Variants in ARL2 observed in about 807,000 individuals in gnomAD.
The protein encoded by ARL2 is ARF like GTPase 2.
ARL2 carries 11 observed loss-of-function variants against 22.0 expected under a neutral mutation model. The ratio of observed to expected loss-of-function variants is 0.50; its 90% CI spans 0.31 to 0.83. ARL2 has a LOEUF of 0.83. Ranked by LOEUF, ARL2 falls within the 40% of genes least tolerant of loss-of-function variation. The pLI, the probability that ARL2 is intolerant of heterozygous loss-of-function variation, is 0.04. For missense variants in ARL2, 216 were observed against 243.2 expected (o/e 0.89, Z 0.74); for synonymous variants, 111 against 100.8 (o/e 1.10, Z -0.61).
At chr11:65,021,533 C>T in intron 4 of ARL2, 188 bp from the exon 5 acceptor site, 1 of 640,776 alleles carries the variant, frequency 1.6e-6, no homozygotes, top group Non-Finnish European at 2.6e-6. Flanking sequence ...TGGAACTGGA[C>T]AGAGAGCCCA....
chr11:65,019,038 C>G lies in ARL2; in HGVS notation c.339+305C>G, dbSNP rs1006670588. ...ATAACCCAAGGCCAGTATGAAGCTTCGAGAGGCCATGGAGCCTGGCTCAAG... is the reference window on the plus strand; with the variant it reads ...ATAACCCAAGGCCAGTATGAAGCTTGGAGAGGCCATGGAGCCTGGCTCAAG... On this transcript the variant is annotated intron_variant, in intron 3 of 4. Transcript: ENST00000246747. 103 of 1,044,724 alleles carry G rather than the reference C, an allele frequency of 9.9e-5. No individual in the cohort carries two copies. In the African/African-American group the frequency reaches 1.5e-3, roughly 16 times the overall value. 64.7% of individuals were successfully genotyped at this position (1,044,724 alleles called of 1,614,324 possible). A position where few individuals can be genotyped will look rare whatever the true frequency, so the allele number is the denominator to read the frequency against.
chr11:65,020,388 C>T lies in ARL2; in HGVS notation c.340-31C>T, dbSNP rs756281517. 9.5e-6 allele frequency: 15 copies of T among 1,571,884 alleles called. No homozygotes were observed. In the South Asian group the frequency reaches 1.7e-4, roughly 18 times the overall value. ...AGGGGTCAGGCTGTCCTCTGAGTCC[C>T]CACCCCACCCCTCTATCTTTTCTCC... On this transcript the variant is annotated intron_variant, in intron 3 of 4. Transcript: ENST00000246747.
At position 65,018,790 on chromosome 11, in the gene ARL2, G is replaced by C. The variant is rs1379833473; in HGVS notation, c.339+57G>C. The C allele has an allele frequency of 2.5e-6, 4 of 1,604,464 alleles. No homozygotes were observed. In the African/African-American group the frequency reaches 4.0e-5, roughly 16 times the overall value. On this transcript the variant is annotated intron_variant, in intron 3 of 4. Coordinates refer to ENST00000246747, the MANE Select transcript of ARL2 (RefSeq NM_001667.4). This position sits in a 1 kb window ranked among gnomAD's most constrained non-coding sequence, Gnocchi z 4.2. ...TGGACGTGTGGCTGCCTTCTCAGCA[G>C]ATGCCCAGAGGGGCCCGTGGCCCCA...
rs1475260907 is a variant in ARL2, at chr11:65,021,730, C to G, written c.430C>G (p.Leu144Val). 4 of 1,604,178 alleles carry G rather than the reference C, an allele frequency of 2.5e-6. No individual in the cohort carries two copies. In the African/African-American group the frequency reaches 4.0e-5, roughly 16 times the overall value. Residue 144 changes from leucine to valine, a missense_variant, in exon 5 of 5, where the codon CTG becomes GTG. Transcript: ENST00000246747. ...ACCTTTGTCCTCCCAGGTCCTGGAGCTGGACTCCATCCGCAGCCACCACTG... is the reference window on the plus strand; with the variant it reads ...ACCTTTGTCCTCCCAGGTCCTGGAGGTGGACTCCATCCGCAGCCACCACTG... ...SSNAIREVLE[L>V]DSIRSHHWCI...
At chr11:65,020,558 T>C (rs1946315944) in intron 4 of ARL2, 59 bp downstream of exon 4, 8 of 1,468,296 alleles carry the variant, frequency 5.4e-6, no homozygotes, top group Non-Finnish European at 7.4e-6. Flanking sequence ...TTATTTATTT[T>C]AAAAGCATTT....
At chr11:65,020,686 T>G (rs997522427) in intron 4 of ARL2, 187 bp downstream of exon 4, 2 of 582,674 alleles carry the variant, frequency 3.4e-6, no homozygotes, top group Non-Finnish European at 6.0e-6. Context: ...CTGACCAACA[T>G]GATGAAACCC....
At chr11:65,015,207 G>T (rs1224305234) in intron 1 of ARL2, among the ~76,000 whole-genome samples, 3 of 152,072 alleles carry the variant, frequency 2.0e-5, no homozygotes, top group Non-Finnish European at 2.9e-5. Context: ...TCCGCCCCCC[G>T]AGTTCAAGCA....
chr11:65,020,050 G>A (rs1946308994), intron 3 of ARL2, among the ~76,000 whole-genome samples: 2 of 152,226 alleles, frequency 1.3e-5, no homozygotes, highest in Admixed American at 1.3e-4. Flanking sequence ...ACCCAGAAGA[G>A]GGAGAGTTCA....
At position 65,014,229 on chromosome 11, in the gene ARL2, A is replaced by C. The variant is rs1200329221; in HGVS notation, c.22A>C (p.Lys8Gln). Residue 8 changes from lysine to glutamine, a missense_variant, in exon 1 of 5, where the codon AAG (lysine) becomes CAG (glutamine). Transcript: ENST00000246747. MGLLTIL[K>Q]KMKQKERELR... is the part of the protein sequence containing the mutation. ...GACCATGGGGCTCCTGACCATTCTG[A>C]AGAAGATGAAGCAGAAAGAGCGGGA... The C allele has an allele frequency of 1.9e-6, 3 of 1,574,112 alleles. No homozygotes were observed. Among genetic ancestry groups the C allele is most frequent in the Admixed American group, 3.7e-5 (2 of 54,664 alleles).
At chr11:65,019,384 T>C (rs1804338168) in intron 3 of ARL2, 1 of 154,048 alleles carries the variant, frequency 6.5e-6, no homozygotes, top group African/African-American at 2.4e-5. Flanking sequence ...CTACTAAAAA[T>C]ACAAAAAATT....
chr11:65,020,403 A>G lies in ARL2; in HGVS notation c.340-16A>G. On this transcript the variant is annotated splice_polypyrimidine_tract_variant and intron_variant, in intron 3 of 4. Transcript: ENST00000246747. ...CTCTGAGTCCCCACCCCACCCCTCT[A>G]TCTTTTCTCCCCCAGCGCCTGGCCG... 6.8e-6 allele frequency: 11 copies of G among 1,606,798 alleles called. No homozygotes were observed. The highest frequency in any genetic ancestry group is 4.5e-5 in the East Asian group (2 of 44,700).
rs982958134 is a variant in ARL2, at chr11:65,021,963, C to G, written c.*108C>G. ...GGCCAAACTAACACTCCCCCTCCTC[C>G]ACCCCAGCCTGCTGCTGCTACTGCT... On this transcript the variant is annotated 3_prime_UTR_variant, in exon 5 of 5. Transcript: ENST00000246747. The G allele has an allele frequency of 2.6e-5, 37 of 1,447,332 alleles. No homozygotes were observed. The African/African-American group carries it at 5.0e-4, about 20-fold the overall frequency. 89.7% of individuals were successfully genotyped at this position (1,447,332 alleles called of 1,614,324 possible).
At chr11:65,014,415 C>T (rs1246850613) in intron 1 of ARL2, 143 bp downstream of exon 1, 1 of 649,878 alleles carries the variant, frequency 1.5e-6, no homozygotes, top group African/African-American at 2.0e-5. Context: ...CATCAATCGC[C>T]CCGTCGGGCC....
intron 3 of ARL2, chr11:65,019,073 CTT>C (rs1946295665): frequency 1.3e-5 from 9 of 680,026 alleles, no homozygotes; most frequent in South Asian, 7.3e-5. Context: ...GAGTCTGACT[CTT>C]TGCTGTGTGA....
intron 1 of ARL2, among the ~76,000 whole-genome samples, chr11:65,017,135 G>A (rs1383630658): frequency 6.6e-6 from 1 of 151,976 alleles, no homozygotes; most frequent in Admixed American, 6.6e-5. Flanking sequence ...GAGATTTCCT[G>A]TAAAAGGAAA....
chr11:65,019,045 C>A, intron 3 of ARL2: 2 of 961,476 alleles, frequency 2.1e-6, no homozygotes, highest in Non-Finnish European at 2.8e-6. Context: ...CTTCGAGAGG[C>A]CATGGAGCCT....
intron 4 of ARL2, 98 bp downstream of exon 4, chr11:65,020,597 A>C: frequency 7.9e-7 from 1 of 1,265,508 alleles, no homozygotes; most frequent in South Asian, 1.4e-5. Context: ...GGCTGGGTGC[A>C]GTGGCTCACG....
At chr11:65,020,326 T>C (rs1946312232) in intron 3 of ARL2, 93 bp from the exon 4 acceptor site, 5 of 1,081,854 alleles carry the variant, frequency 4.6e-6, no homozygotes, top group Non-Finnish European at 7.0e-6. Flanking sequence ...ATCTTCCAGG[T>C]CGATCCTTCA....
rs756343837 is a variant in ARL2 at position 65,014,267 on chromosome 11, C to G, written c.60C>G (p.Leu20=). The G allele has an allele frequency of 3.9e-5, 61 of 1,565,122 alleles. No homozygotes were observed. The highest frequency in any genetic ancestry group is 2.3e-4 in the Admixed American group (12 of 53,162). Residue 20 remains leucine, a synonymous_variant, in exon 1 of 5, where the codon CTC becomes CTG. Transcript: ENST00000246747. ...MKQKERELRL[L]MLGLDNAGKT... ...AGAAAGAGCGGGAGCTGCGACTGCT[C>G]ATGCTGTATCCTACCGGACGCCGGA...
Sources: allele counts gnomAD v4.1 joint callset (sites outside exome capture counted in the v4.1 genomes callset), GRCh38; gene constraint gnomAD v4.1.1; non-coding constraint Gnocchi (gnomAD v3.1); transcripts MANE v1.5; gene names NCBI Gene and HGNC (gene_info 2026-07-23, HGNC 2026-07-21).